Variants in CENPN observed in about 807,000 individuals in gnomAD.
CENPN encodes the protein centromere protein N.
In CENPN, 36 loss-of-function variants were observed where a neutral mutation model predicts 48.6. The ratio of observed to expected loss-of-function variants is 0.74; its 90% CI spans 0.57 to 0.98. The LOEUF (loss-of-function observed/expected upper bound fraction) is 0.98, where lower values mean the gene tolerates loss of function less well. Among genes scored for constraint, CENPN ranks in the 50% least tolerant of loss-of-function variants. CENPN has a pLI of 0.00. For synonymous variants in CENPN, 166 were observed against 135.2 expected, an observed-to-expected ratio of 1.23 and a Z score of -1.58; for missense variants, 439 against 399.2, an observed-to-expected ratio of 1.10 and a Z score of -0.85.
chr16:81,026,641 A>G lies in CENPN; in HGVS notation c.810+3A>G, dbSNP rs376696254. 5 of 1,407,402 alleles carry G rather than the reference A, an allele frequency of 3.6e-6. No homozygotes were observed. The highest frequency in any genetic ancestry group is 1.8e-5 in the Admixed American group (1 of 55,358). The allele number at this position is 1,407,402 out of a possible 1,614,324, so 87.2% of individuals were successfully genotyped here. A position where few individuals can be genotyped will look rare whatever the true frequency, so the allele number is the denominator to read the frequency against. ...AACTAGAATTTGCACAATATAAGGT[A>G]AGATGTCGTAATAAATATTAAGTAC... is the stretch of plus-strand genomic sequence containing the variant. On this transcript the variant is annotated splice_donor_region_variant and intron_variant, in intron 9 of 10. Coordinates refer to ENST00000305850, the MANE Select transcript of CENPN (RefSeq NM_001100624.3).
chr16:81,020,188 A>C lies in CENPN; in HGVS notation c.443A>C (p.Lys148Thr). 3 of 1,614,062 alleles carry C rather than the reference A, an allele frequency of 1.9e-6. No individual in the cohort carries two copies. Among genetic ancestry groups the C allele is most frequent in the Non-Finnish European group, 2.5e-6 (3 of 1,179,984 alleles). Residue 148 changes from lysine (K) to threonine (T), a missense_variant, in exon 6 of 11, where the codon AAA (lysine) becomes ACA (threonine). Coordinates refer to ENST00000305850, the MANE Select transcript of CENPN (RefSeq NM_001100624.3). The stretch of plus-strand genomic sequence containing the variant: ...CAGTACACAAAGCCAAACCAGTACA[A>C]ACCTACCTACGTGGTGTACTACTCC... ...GTQYTKPNQY[K>T]PTYVVYYSQT...
At position 81,028,734 on chromosome 16, in the gene CENPN, G is replaced by A. The variant is rs184980265; in HGVS notation, c.*83G>A. ...GTTCATGGCTAGCTGTATAGCTTCC[G>A]TCTGTAAACTTGTATTTTCAAGAAT... On this transcript the variant is annotated 3_prime_UTR_variant, in exon 11 of 11. Transcript: ENST00000305850. 1.2e-4 allele frequency: 180 copies of A among 1,516,070 alleles called. No individual in the cohort carries two copies. Among genetic ancestry groups the A allele is most frequent in the East Asian group, 2.6e-4 (11 of 42,162 alleles). The allele number at this position is 1,516,070 out of a possible 1,614,324, so 93.9% of individuals were successfully genotyped here.
chr16:81,029,265 C>T lies in CENPN; in HGVS notation c.*614C>T, dbSNP rs1054617097. ...TCTATTTTATCATGTGTATAACATT[C>T]AAACTGACAAATATATTGACTTATG... On this transcript the variant is annotated 3_prime_UTR_variant, in exon 11 of 11. Coordinates refer to ENST00000305850, the MANE Select transcript of CENPN (RefSeq NM_001100624.3). The T allele has an allele frequency of 1.1e-6, 1 of 909,600 alleles. No individual in the cohort carries two copies. Among genetic ancestry groups the T allele is most frequent in the Non-Finnish European group, 1.3e-6 (1 of 761,036 alleles). 56.3% of individuals were successfully genotyped at this position (909,600 alleles called of 1,614,324 possible).
intron 7 of CENPN, chr16:81,022,909 A>G: frequency 1.3e-6 from 2 of 1,588,642 alleles, no homozygotes; most frequent in East Asian, 2.2e-5. Flanking sequence ...TATACCACTC[A>G]TTAGTCACTG....
chr16:81,027,835 G>C (rs1970578443), intron 9 of CENPN, among the ~76,000 whole-genome samples: 1 of 152,198 alleles, frequency 6.6e-6, no homozygotes, highest in South Asian at 2.1e-4. Flanking sequence ...CTCCTGGGTA[G>C]CTGGAATTAC....
chr16:81,024,526 C>T (rs1470778673), intron 7 of CENPN, 189 bp from the exon 8 acceptor site: 2 of 472,630 alleles, frequency 4.2e-6, no homozygotes, highest in African/African-American at 2.0e-5. Flanking sequence ...ACAGAACAGT[C>T]GAGTTGCAGG....
At chr16:81,018,789 A>G (rs1970043024) in intron 5 of CENPN, among the ~76,000 whole-genome samples, 1 of 152,184 alleles carries the variant, frequency 6.6e-6, no homozygotes, top group African/African-American at 2.4e-5. Context: ...AAAAGCTGCT[A>G]AAGAATGAGC....
downstream of CENPN, chr16:81,032,737 A>G (rs749221363): frequency 4.5e-6 from 7 of 1,570,830 alleles, no homozygotes; most frequent in Non-Finnish European, 6.1e-6. Flanking sequence ...TGGTTAATCA[A>G]ATGTATGTCT....
chr16:81,026,111 ATATATG>A (rs1411351062), intron 8 of CENPN, among the ~76,000 whole-genome samples: 3 of 142,362 alleles, frequency 2.1e-5, no homozygotes, highest in Admixed American at 1.5e-4. Flanking sequence ...GTGTGTATAT[ATATATG>A]TATATATATG....
At chr16:81,022,028 G>A (rs988241008) in intron 6 of CENPN, among the ~76,000 whole-genome samples, 1 of 152,104 alleles carries the variant, frequency 6.6e-6, no homozygotes, top group African/African-American at 2.4e-5. Flanking sequence ...CAAAGCGCTG[G>A]GATTACAGCC....
At chr16:81,011,554 C>A (rs1381500777) in intron 1 of CENPN, among the ~76,000 whole-genome samples, 1 of 152,138 alleles carries the variant, frequency 6.6e-6, no homozygotes, top group Admixed American at 6.6e-5. Flanking sequence ...ATACTCTAGC[C>A]AGAAAAGGAG....
chr16:81,032,576 T>C, downstream of CENPN: 1 of 1,603,228 alleles, frequency 6.2e-7, no homozygotes, highest in African/African-American at 1.3e-5. Flanking sequence ...TTAGCACTTG[T>C]TTGCAGGATC....
At chr16:81,019,469 C>T (rs914340862) in intron 5 of CENPN, among the ~76,000 whole-genome samples, 2 of 151,914 alleles carry the variant, frequency 1.3e-5, no homozygotes, top group African/African-American at 2.4e-5. Flanking sequence ...CCTCCTACCT[C>T]AGCCTCCCAA....
At chr16:81,022,361 A>T (rs1970254754) in intron 6 of CENPN, 3 of 452,420 alleles carry the variant, frequency 6.6e-6, no homozygotes, top group Non-Finnish European at 1.2e-5. Context: ...TCCTAACTTT[A>T]AACAGGATCG....
At chr16:81,026,799 T>C (rs1280533620) in intron 9 of CENPN, among the ~76,000 whole-genome samples, 161 bp downstream of exon 9, 1 of 152,228 alleles carries the variant, frequency 6.6e-6, no homozygotes, top group African/African-American at 2.4e-5. Context: ...TTATTGTATT[T>C]ATAAGTTCCT....
Position 81,030,386 on chromosome 16 carries a change from A to T in CENPN, c.*1735A>T. The T allele has an allele frequency of 1.0e-6, 1 of 985,060 alleles. No individual in the cohort carries two copies. Among genetic ancestry groups the T allele is most frequent in the Non-Finnish European group, 1.2e-6 (1 of 829,756 alleles). The allele number at this position is 985,060 out of a possible 1,614,324, so 61.0% of individuals were successfully genotyped here. On this transcript the variant is annotated 3_prime_UTR_variant, in exon 11 of 11. Transcript: ENST00000305850. ...CTCCTAGTGTACTCTCACACTTCTG[A>T]TACCAGATATGTGGGGGAGGGGGTT...
At chr16:81,015,635 T>A (rs1025302809) in intron 3 of CENPN, among the ~76,000 whole-genome samples, 1 of 152,204 alleles carries the variant, frequency 6.6e-6, no homozygotes, top group Non-Finnish European at 1.5e-5. Context: ...TTTGTCTCAT[T>A]TTCAGTGGTT....
intron 1 of CENPN, among the ~76,000 whole-genome samples, chr16:81,009,289 G>C (rs903052759): frequency 6.6e-6 from 1 of 152,206 alleles, no homozygotes; most frequent in Non-Finnish European, 1.5e-5. Context: ...GGATAAGTCT[G>C]AGGAGAAACC....
chr16:81,008,557 A>G (rs555249884), intron 1 of CENPN, among the ~76,000 whole-genome samples: 15 of 152,194 alleles, frequency 9.9e-5, no homozygotes, highest in African/African-American at 2.9e-4. Context: ...TTTCTAGTAG[A>G]GACGGAGTTT....
Sources: allele counts gnomAD v4.1 joint callset (sites outside exome capture counted in the v4.1 genomes callset), GRCh38; gene constraint gnomAD v4.1.1; transcripts MANE v1.5; gene names NCBI Gene and HGNC (gene_info 2026-07-23, HGNC 2026-07-21).